HS6ST2: variants seen among roughly 807,000 people sequenced by gnomAD.
HS6ST2 encodes the protein heparan sulfate 6-O-sulfotransferase 2, also known as heparan-sulfate 6-O-sulfotransferase 2.
HS6ST2 carries 17 observed loss-of-function variants against 33.0 expected under a neutral mutation model. The observed-to-expected ratio is 0.52, with a 90% CI of 0.35 to 0.77. The LOEUF is 0.77. Ranked by LOEUF, HS6ST2 falls within the 30% of genes least tolerant of loss-of-function variation. The probability of loss-of-function intolerance (pLI) is 0.01; values close to 1 mark genes in which losing one functional copy is unlikely to be tolerated. For missense variants in HS6ST2, 519 were observed against 551.7 expected (o/e 0.94, Z 0.59); for synonymous variants, 248 against 237.1 (o/e 1.05, Z -0.42).
intron 4 of HS6ST2, among the ~76,000 whole-genome samples, chrX:132,660,707 C>T (rs1290460703): frequency 9.0e-6 from 1 of 111,583 alleles, no homozygotes; most frequent in Non-Finnish European, 1.9e-5. Flanking sequence ...TTCCATTGTT[C>T]AACTATCTCT....
At chrX:132,942,631 G>C (rs1280543132) in intron 2 of HS6ST2, among the ~76,000 whole-genome samples, 1 of 111,713 alleles carries the variant, frequency 9.0e-6, no homozygotes, top group Non-Finnish European at 1.9e-5. Context: ...CTCCTCCCTT[G>C]GTTTTTGAAA....
chrX:132,894,724 C>G (rs148485805), intron 2 of HS6ST2, among the ~76,000 whole-genome samples: 12 of 109,794 alleles, frequency 1.1e-4, no homozygotes, highest in Admixed American at 3.9e-4. Context: ...TTTGTAGAGA[C>G]AGGGTTTCAC....
At chrX:132,700,475 T>C (rs2064136011) in intron 3 of HS6ST2, among the ~76,000 whole-genome samples, 1 of 110,079 alleles carries the variant, frequency 9.1e-6, no homozygotes, top group South Asian at 4.0e-4. Flanking sequence ...GGAACAGAAA[T>C]AATCTAATAG....
chrX:132,916,784 T>C (rs1331527370), intron 2 of HS6ST2, among the ~76,000 whole-genome samples: 1 of 111,966 alleles, frequency 8.9e-6, no homozygotes, highest in Admixed American at 9.5e-5. Flanking sequence ...TTGAAGGTTG[T>C]ACTGTCTGCT....
intron 3 of HS6ST2, among the ~76,000 whole-genome samples, chrX:132,700,614 A>G (rs899246010): frequency 8.2e-5 from 9 of 109,705 alleles, no homozygotes; most frequent in African/African-American, 3.0e-4. Context: ...AACATTAGAG[A>G]TGAAAAACCA....
intron 2 of HS6ST2, among the ~76,000 whole-genome samples, chrX:132,831,322 A>G (rs1821483181): frequency 9.0e-6 from 1 of 111,284 alleles, no homozygotes; most frequent in African/African-American, 3.3e-5. Flanking sequence ...AAAACAAAAC[A>G]CTTAACTAAC....
At chrX:132,874,873 A>G (rs1417399112) in intron 2 of HS6ST2, among the ~76,000 whole-genome samples, 1 of 111,596 alleles carries the variant, frequency 9.0e-6, no homozygotes, top group African/African-American at 3.3e-5. Flanking sequence ...TTGTTCTGCC[A>G]TGTGGGAGAG....
chrX:132,717,494 A>G (rs2064286263), intron 2 of HS6ST2, among the ~76,000 whole-genome samples: 1 of 112,820 alleles, frequency 8.9e-6, no homozygotes. Context: ...TTGATGAAAG[A>G]TATGAAAACT....
intron 2 of HS6ST2, among the ~76,000 whole-genome samples, chrX:132,861,442 C>T (rs1198453406): frequency 8.9e-6 from 1 of 111,804 alleles, no homozygotes; most frequent in Non-Finnish European, 1.9e-5. Context: ...TTTTCAGGGG[C>T]GGATTATTAA....
At chrX:132,729,904 A>G (rs895093071) in intron 2 of HS6ST2, among the ~76,000 whole-genome samples, 18 of 109,716 alleles carry the variant, frequency 1.6e-4, no homozygotes, top group Non-Finnish European at 1.1e-4. Flanking sequence ...GACATAGACT[A>G]TGATGTGAAT....
chrX:132,766,937 G>A (rs1378082116), intron 2 of HS6ST2, among the ~76,000 whole-genome samples: 3 of 111,542 alleles, frequency 2.7e-5, no homozygotes, highest in African/African-American at 3.3e-5. Flanking sequence ...GGGGCTCTGC[G>A]AGGTTGAGTA....
At chrX:132,866,604 T>C (rs1423364523) in intron 2 of HS6ST2, among the ~76,000 whole-genome samples, 3 of 82,633 alleles carry the variant, frequency 3.6e-5, no homozygotes, top group African/African-American at 9.4e-5. Context: ...ATTCTTCCTA[T>C]CCATGAGCAT....
intron 2 of HS6ST2, among the ~76,000 whole-genome samples, chrX:132,868,693 C>T (rs757990444): frequency 9.0e-6 from 1 of 111,575 alleles, no homozygotes; most frequent in Non-Finnish European, 1.9e-5. Flanking sequence ...GAGTAAATAA[C>T]GAAATTAAGG....
At chrX:132,756,940 G>C (rs1255958359) in intron 2 of HS6ST2, among the ~76,000 whole-genome samples, 1 of 109,266 alleles carries the variant, frequency 9.2e-6, no homozygotes, top group Non-Finnish European at 1.9e-5. Flanking sequence ...GATCTCACAG[G>C]GAGAACAGGA....
chrX:132,736,636 A>G (rs2064513798), intron 2 of HS6ST2, among the ~76,000 whole-genome samples: 1 of 111,897 alleles, frequency 8.9e-6, no homozygotes, highest in Non-Finnish European at 1.9e-5. Context: ...CCCATCTTAC[A>G]AAAGTGATCA....
At chrX:132,662,853 G>A (rs1036224532) in intron 4 of HS6ST2, among the ~76,000 whole-genome samples, 4 of 111,731 alleles carry the variant, frequency 3.6e-5, no homozygotes, top group Non-Finnish European at 5.6e-5. Context: ...TTATGGTGCT[G>A]GGGCTTTTGC....
chrX:132,650,772 T>TCTCTCTCTC (rs10693295), intron 4 of HS6ST2, among the ~76,000 whole-genome samples: 4 of 99,563 alleles, frequency 4.0e-5, no homozygotes, highest in African/African-American at 1.5e-4. Flanking sequence ...TCTCTCTCTC[T>TCTCTCTCTC]TCTTTTTTGT....
intron 4 of HS6ST2, among the ~76,000 whole-genome samples, chrX:132,633,612 T>C (rs761962727): frequency 9.0e-6 from 1 of 110,892 alleles, no homozygotes; most frequent in East Asian, 2.9e-4. Flanking sequence ...GATCTGGCAC[T>C]CAGAGAGCAA....
intron 2 of HS6ST2, among the ~76,000 whole-genome samples, chrX:132,868,355 G>C: frequency 1.8e-5 from 2 of 111,853 alleles, no homozygotes; most frequent in South Asian, 7.6e-4. Flanking sequence ...ACACCTCACT[G>C]TCAATATTAG....
Sources: gnomAD v4.1 joint callset for allele counts (sites outside exome capture counted in the v4.1 genomes callset) on GRCh38, gnomAD v4.1.1 for gene constraint, MANE v1.5 for transcripts, NCBI Gene and HGNC (gene_info 2026-07-23, HGNC 2026-07-21) for gene names.